WDR11: variants seen among roughly 807,000 people sequenced by gnomAD.
The protein encoded by WDR11 is WD repeat-containing protein 11.
A neutral mutation model predicts 151.2 loss-of-function variants in WDR11; 83 were observed. The ratio of observed to expected loss-of-function variants is 0.55; its 90% confidence interval spans 0.46 to 0.66. The LOEUF (loss-of-function observed/expected upper bound fraction) is 0.66, where lower values mean the gene tolerates loss of function less well. Ranked by LOEUF, WDR11 falls within the 30% of genes least tolerant of loss-of-function variation. The probability of loss-of-function intolerance (pLI) is 0.00; values close to 1 mark genes in which losing one functional copy is unlikely to be tolerated. For missense variants in WDR11, 1,301 were observed against 1,480.9 expected (o/e 0.88, Z 1.99); for synonymous variants, 484 against 533.1 (o/e 0.91, Z 1.27).
chr10:120,880,794 G>C (rs755436140), intron 12 of WDR11, 32 bp from the exon 13 acceptor site: 1 of 1,567,146 alleles, frequency 6.4e-7, no homozygotes, highest in Non-Finnish European at 8.7e-7. Flanking sequence ...TTTATGCACT[G>C]TTCTCACTTT....
intron 13 of WDR11, 54 bp downstream of exon 13, chr10:120,880,955 GA>G (rs1465723458): frequency 6.7e-7 from 1 of 1,495,996 alleles, no homozygotes; most frequent in African/African-American, 1.4e-5. Context: ...AAATCTCGTG[GA>G]TTTTTTTAAT....
intron 2 of WDR11, among the ~76,000 whole-genome samples, chr10:120,854,495 C>T (rs146230125): frequency 1.1e-4 from 16 of 152,264 alleles, no homozygotes; most frequent in African/African-American, 3.9e-4. Flanking sequence ...TTGTGTGAAC[C>T]TGTGTTTTCA....
chr10:120,887,131 T>C lies in WDR11; in HGVS notation c.2121+295T>C, dbSNP rs7067668. On this transcript the variant is annotated intron_variant, in intron 16 of 28. Transcript: ENST00000263461. ...AGAATAAGTAACTTTCCCAAAGTTA[T>C]CCAGCTTACTCATATGGCAGAGCAG... Among the ~76,000 whole-genome samples, 56,574 of 152,024 alleles carry C rather than the reference T, an allele frequency of 0.37. 10,624 individuals are homozygous for C. Among genetic ancestry groups the C allele is most frequent in the Admixed American group, 0.44 (6,696 of 15,254 alleles).
intron 11 of WDR11, among the ~76,000 whole-genome samples, chr10:120,877,513 G>T (rs1476402984): frequency 6.6e-6 from 1 of 152,120 alleles, no homozygotes; most frequent in Non-Finnish European, 1.5e-5. Context: ...CAGCCATTTG[G>T]GAGCCTGAGG....
Position 120,908,237 on chromosome 10 carries a change from C to T in WDR11, c.3518-319C>T, listed in dbSNP as rs79574444. Reference sequence around the variant, plus strand: ...GATATGCAGGTTAAGTTTCTCCTCTCTTATCATTCATCTTCCAATCTTCAG... The same window carrying T: ...GATATGCAGGTTAAGTTTCTCCTCTTTTATCATTCATCTTCCAATCTTCAG... On this transcript the variant is annotated intron_variant, in intron 28 of 28. Transcript: ENST00000263461. 4.1e-3 allele frequency: 1,506 copies of T among 366,280 alleles called. 20 individuals carry two copies. Among genetic ancestry groups the T allele is most frequent in the African/African-American group, 0.025 (1,192 of 47,532 alleles). The allele number at this position is 366,280 out of a possible 1,614,324, so 22.7% of individuals were successfully genotyped here.
At chr10:120,866,951 A>G in intron 8 of WDR11, 115 bp from the exon 9 acceptor site, 1 of 1,063,858 alleles carries the variant, frequency 9.4e-7, no homozygotes, top group Non-Finnish European at 1.4e-6. Flanking sequence ...GGGTAAGATG[A>G]ATGAATAATA....
chr10:120,869,330 G>A (rs1418257591), intron 9 of WDR11, among the ~76,000 whole-genome samples: 2 of 151,726 alleles, frequency 1.3e-5, no homozygotes, highest in Non-Finnish European at 2.9e-5. Context: ...AGCCAGGATG[G>A]TCTCGATCTC....
chr10:120,866,645 T>C lies in WDR11; in HGVS notation c.1071T>C (p.Arg357=), dbSNP rs1400568273. ...CDAIRVTKTV[R]PFSMVCCPVN... is the part of the protein sequence containing the mutation. ...CAATCAGGGTGACAAAAACCGTCCGTCCCTTCAGTATGGTGTGCTGTCCTG... is the reference window on the plus strand; with the variant it reads ...CAATCAGGGTGACAAAAACCGTCCGCCCCTTCAGTATGGTGTGCTGTCCTG... Residue 357 remains arginine (R), a synonymous_variant, in exon 8 of 29, where the codon CGT becomes CGC. Coordinates refer to ENST00000263461, the MANE Select transcript of WDR11 (RefSeq NM_018117.12). 2 of 1,614,144 alleles carry C rather than the reference T, an allele frequency of 1.2e-6. No homozygotes were observed. Among genetic ancestry groups the C allele is most frequent in the Middle Eastern group, 3.3e-4 (2 of 6,062 alleles).
chr10:120,851,617 G>C, intron 1 of WDR11, 111 bp downstream of exon 1: 5 of 1,336,544 alleles, frequency 3.7e-6, no homozygotes, highest in Non-Finnish European at 5.2e-6. Context: ...CTAAGGCAGG[G>C]AGCCGCCCTC....
chr10:120,904,591 A>C, intron 24 of WDR11, 55 bp from the exon 25 acceptor site: 2 of 1,606,310 alleles, frequency 1.2e-6, no homozygotes, highest in Non-Finnish European at 1.7e-6. Context: ...GAATTTTAAA[A>C]AGTTATGTTG....
At chr10:120,892,851 A>G (rs970230107) in intron 19 of WDR11, among the ~76,000 whole-genome samples, 1 of 152,184 alleles carries the variant, frequency 6.6e-6, no homozygotes, top group Non-Finnish European at 1.5e-5. Flanking sequence ...AGAGCCATCA[A>G]AATAAATCTT....
intron 11 of WDR11, among the ~76,000 whole-genome samples, chr10:120,875,616 T>C (rs1213885183): frequency 6.6e-6 from 1 of 152,200 alleles, no homozygotes; most frequent in East Asian, 1.9e-4. Flanking sequence ...GTGATTCTTA[T>C]GCCTCAGCCT....
chr10:120,871,106 C>T, intron 9 of WDR11, 64 bp from the exon 10 acceptor site: 1 of 1,554,548 alleles, frequency 6.4e-7, no homozygotes, highest in Admixed American at 1.8e-5. Context: ...TGAAAATTTT[C>T]TTTAGCTTTT....
rs1045154 is a variant in WDR11 at position 120,909,092 on chromosome 10, G to A, written c.*379G>A. 84,232 of 264,386 alleles carry A rather than the reference G, an allele frequency of 0.32. 14,074 individuals carry two copies. Among genetic ancestry groups the A allele is most frequent in the Admixed American group, 0.43 (8,516 of 19,920 alleles). 16.4% of individuals were successfully genotyped at this position (264,386 alleles called of 1,614,324 possible). ...GAAACCTATAGTAAATGAAATTTGT[G>A]AGATGTTTTCTCAAATATATGCTGT... On this transcript the variant is annotated 3_prime_UTR_variant, in exon 29 of 29. Coordinates refer to ENST00000263461, the MANE Select transcript of WDR11 (RefSeq NM_018117.12).
chr10:120,859,979 G>A (rs1399787059), intron 3 of WDR11, 130 bp from the exon 4 acceptor site: 2 of 915,294 alleles, frequency 2.2e-6, no homozygotes, highest in South Asian at 1.4e-5. Context: ...ACACACACAC[G>A]TCACATTTGG....
chr10:120,873,178 C>T (rs1846608913), intron 10 of WDR11, among the ~76,000 whole-genome samples: 1 of 152,144 alleles, frequency 6.6e-6, no homozygotes, highest in South Asian at 2.1e-4. Flanking sequence ...TTACTTTGTG[C>T]CAATTACTGT....
intron 16 of WDR11, among the ~76,000 whole-genome samples, chr10:120,888,558 C>T (rs1847303838): frequency 6.6e-6 from 1 of 152,254 alleles, no homozygotes; most frequent in Non-Finnish European, 1.5e-5. Flanking sequence ...ATTTAAACTG[C>T]ATATGCCTTT....
At chr10:120,855,231 TAATC>T (rs1455065174) in intron 2 of WDR11, among the ~76,000 whole-genome samples, 2 of 152,176 alleles carry the variant, frequency 1.3e-5, no homozygotes, top group Non-Finnish European at 2.9e-5. Flanking sequence ...GTTGATCTGA[TAATC>T]AGTATGGCTA....
chr10:120,884,021 T>A lies in WDR11; in HGVS notation c.1848+133T>A, dbSNP rs1044582618. 4 of 719,884 alleles carry A rather than the reference T, an allele frequency of 5.6e-6. No individual in the cohort carries two copies. The African/African-American group carries it at 7.1e-5, about 13-fold the overall frequency. The allele number at this position is 719,884 out of a possible 1,614,324, so 44.6% of individuals were successfully genotyped here. ...GTTAAAAATGTGTGTTCAGAGAAGA[T>A]GATCTAAATAAATGGAGATAATTCT... On this transcript the variant is annotated intron_variant, in intron 14 of 28. Transcript: ENST00000263461.
Sources: gnomAD v4.1 joint callset for allele counts (sites outside exome capture counted in the v4.1 genomes callset) on GRCh38, gnomAD v4.1.1 for gene constraint, MANE v1.5 for transcripts, NCBI Gene and HGNC (gene_info 2026-07-23, HGNC 2026-07-21) for gene names.